The following DNAJC13 variants were observed in gnomAD, a reference collection of about 807,000 sequenced individuals.
DNAJC13 encodes dnaJ homolog subfamily C member 13.
Under a neutral mutation model 290.5 loss-of-function variants are expected in DNAJC13, and 75 were observed. That is an observed-to-expected ratio of 0.26 (90% CI 0.21 to 0.31). DNAJC13 has a LOEUF of 0.31. Among genes scored for constraint, DNAJC13 ranks in the 10% least tolerant of loss-of-function variants. The probability of loss-of-function intolerance (pLI) is 1.00; values close to 1 mark genes in which losing one functional copy is unlikely to be tolerated. For synonymous variants in DNAJC13, 862 were observed against 892.0 expected (o/e 0.97, Z 0.60); for missense variants, 2,260 against 2,674.5 (o/e 0.85, Z 3.42).
Position 132,432,415 on chromosome 3 carries a change from G to C in DNAJC13, c.-13-2123G>C, listed in dbSNP as rs191166505. The stretch of plus-strand genomic sequence containing the variant: ...AGATGGGGTTTCACCATGTTGGCCA[G>C]GCTGGTCTCTAACTCCTGACCTCAG... On this transcript the variant is annotated intron_variant, in intron 1 of 55. Coordinates refer to ENST00000260818, the MANE Select transcript of DNAJC13 (RefSeq NM_015268.4). 1.9e-3 allele frequency among the ~76,000 whole-genome samples: 283 copies of C among 152,186 alleles called. 1 individual carries two copies. Among genetic ancestry groups the C allele is most frequent in the Non-Finnish European group, 1.7e-3 (116 of 68,014 alleles).
chr3:132,460,160 T>C, intron 13 of DNAJC13, 90 bp from the exon 14 acceptor site: 1 of 770,162 alleles, frequency 1.3e-6, no homozygotes, highest in Non-Finnish European at 2.1e-6. Flanking sequence ...TTTCAATGTG[T>C]AATGAATACT....
intron 25 of DNAJC13, among the ~76,000 whole-genome samples, chr3:132,479,945 G>C (rs1576487770): frequency 1.3e-5 from 2 of 151,858 alleles, no homozygotes; most frequent in African/African-American, 4.8e-5. Flanking sequence ...TGAAATTATA[G>C]TCTCTTAACT....
chr3:132,468,185 A>G (rs2107680166), intron 20 of DNAJC13, among the ~76,000 whole-genome samples: 1 of 152,342 alleles, frequency 6.6e-6, no homozygotes, highest in East Asian at 1.9e-4. Flanking sequence ...TCTTCTATCT[A>G]TAATGGGTTT....
chr3:132,454,415 G>A (rs1411399479), intron 9 of DNAJC13, among the ~76,000 whole-genome samples: 3 of 142,364 alleles, frequency 2.1e-5, no homozygotes, highest in Admixed American at 1.5e-4. Flanking sequence ...TCCATCTCCC[G>A]GGTTCAAGCA....
chr3:132,522,156 G>A (rs1393033469), intron 48 of DNAJC13, among the ~76,000 whole-genome samples: 1 of 152,136 alleles, frequency 6.6e-6, no homozygotes, highest in African/African-American at 2.4e-5. Context: ...GAGGGTTTCC[G>A]TAAGATAAGA....
intron 9 of DNAJC13, 41 bp downstream of exon 9, chr3:132,454,198 A>C: frequency 7.1e-7 from 1 of 1,404,392 alleles, no homozygotes; most frequent in Non-Finnish European, 9.9e-7. Context: ...CTAGTTGTGC[A>C]AGGCAAAGTG....
chr3:132,507,803 G>T (rs1454176643), intron 43 of DNAJC13, among the ~76,000 whole-genome samples: 1 of 152,114 alleles, frequency 6.6e-6, no homozygotes, highest in Non-Finnish European at 1.5e-5. Context: ...ATTGGAATTA[G>T]GCCAGTTAAT....
At chr3:132,431,859 C>T (rs989917895) in intron 1 of DNAJC13, among the ~76,000 whole-genome samples, 3 of 152,142 alleles carry the variant, frequency 2.0e-5, no homozygotes, top group African/African-American at 7.2e-5. Context: ...CTGCTAGGTG[C>T]TGAGGCTGAG....
Position 132,513,001 on chromosome 3 carries a change from T to C in DNAJC13, c.5294-7T>C, listed in dbSNP as rs1935822937. 6.2e-7 allele frequency: 1 copy of C among 1,608,956 alleles called. No individual in the cohort carries two copies. The highest frequency in any genetic ancestry group is 1.1e-5 in the South Asian group (1 of 90,950). ...TGGAAGTAAACCATTTTATTCTTAT[T>C]CTCTAGGTTCTGAGAGTGAATGCAT... On this transcript the variant is annotated splice_polypyrimidine_tract_variant and splice_region_variant and intron_variant, in intron 44 of 55. Coordinates refer to ENST00000260818, the MANE Select transcript of DNAJC13 (RefSeq NM_015268.4).
At chr3:132,527,405 C>T (rs777937665) in intron 53 of DNAJC13, among the ~76,000 whole-genome samples, 1 of 152,168 alleles carries the variant, frequency 6.6e-6, no homozygotes, top group Non-Finnish European at 1.5e-5. Context: ...CCACTGGACC[C>T]TCATTGAGGC....
At position 132,420,336 on chromosome 3, in the gene DNAJC13, T is replaced by C. The variant is rs746500021; in HGVS notation, c.-14+2576T>C. Among the ~76,000 whole-genome samples the C allele has an allele frequency of 2.0e-4, 30 of 152,260 alleles. 1 individual carries two copies. The Middle Eastern group carries it at 0.01, about 52-fold the overall frequency. On this transcript the variant is annotated intron_variant, in intron 1 of 55. Coordinates refer to ENST00000260818, the MANE Select transcript of DNAJC13 (RefSeq NM_015268.4). ...TCTGCCTCTTCTATGGAAAAAAGCT[T>C]TAATCTCTGGGGAGAAGGGTATCTC... is the stretch of plus-strand genomic sequence containing the variant.
intron 14 of DNAJC13, among the ~76,000 whole-genome samples, chr3:132,460,685 A>G (rs1210265628): frequency 2.6e-5 from 4 of 152,332 alleles, no homozygotes; most frequent in Admixed American, 6.5e-5. Flanking sequence ...CCTGATAACA[A>G]TTTTGGAGAT....
chr3:132,453,819 T>A, intron 8 of DNAJC13, 125 bp downstream of exon 8: 1 of 816,828 alleles, frequency 1.2e-6, no homozygotes, highest in Non-Finnish European at 1.9e-6. Context: ...TGTATTTAAC[T>A]CTTAACATAT....
chr3:132,425,090 T>A (rs918102169), intron 1 of DNAJC13, among the ~76,000 whole-genome samples: 2 of 152,134 alleles, frequency 1.3e-5, no homozygotes, highest in African/African-American at 4.8e-5. Context: ...GTGCTATGAT[T>A]TACTCAGATT....
intron 1 of DNAJC13, among the ~76,000 whole-genome samples, chr3:132,426,663 C>T (rs890304553): frequency 6.6e-6 from 1 of 152,026 alleles, no homozygotes; most frequent in African/African-American, 2.4e-5. Context: ...TTTTTTTCAT[C>T]ATAAATAGTG....
chr3:132,506,667 T>C (rs2107726471), intron 42 of DNAJC13, among the ~76,000 whole-genome samples: 1 of 147,204 alleles, frequency 6.8e-6, no homozygotes, highest in Non-Finnish European at 1.5e-5. Flanking sequence ...TTCTCCTGCC[T>C]CAGCCTCCCA....
At chr3:132,511,600 C>T (rs957041253) in intron 44 of DNAJC13, among the ~76,000 whole-genome samples, 1 of 152,042 alleles carries the variant, frequency 6.6e-6, no homozygotes, top group Non-Finnish European at 1.5e-5. Flanking sequence ...ATTTTTGCCT[C>T]CTTTCTGGTC....
chr3:132,448,926 G>T (rs990109132), intron 5 of DNAJC13, among the ~76,000 whole-genome samples: 3 of 152,052 alleles, frequency 2.0e-5, no homozygotes, highest in African/African-American at 4.8e-5. Flanking sequence ...ATTCTATATT[G>T]TCAGGTGACG....
At chr3:132,438,893 CAG>C (rs1488949418) in intron 2 of DNAJC13, among the ~76,000 whole-genome samples, 2 of 152,092 alleles carry the variant, frequency 1.3e-5, no homozygotes, top group Non-Finnish European at 2.9e-5. Flanking sequence ...AGAGTAGATT[CAG>C]GGGGGAAAAG....
Sources: gnomAD v4.1 joint callset for allele counts (sites outside exome capture counted in the v4.1 genomes callset) on GRCh38, gnomAD v4.1.1 for gene constraint, MANE v1.5 for transcripts, NCBI Gene and HGNC (gene_info 2026-07-23, HGNC 2026-07-21) for gene names.